PIEZO1: variants seen among roughly 807,000 people sequenced by gnomAD.
PIEZO1 encodes the protein piezo type mechanosensitive ion channel component 1 (Er blood group).
In PIEZO1, 296 loss-of-function variants were observed where a neutral mutation model predicts 297.2. The ratio of observed to expected loss-of-function variants is 1.00; its 90% confidence interval spans 0.91 to 1.10. PIEZO1 has a LOEUF of 1.10. Ranked by LOEUF, PIEZO1 falls within the 50% of genes least tolerant of loss-of-function variation. The pLI is 0.00. For missense variants in PIEZO1, 5,018 were observed against 3,455.5 expected (o/e 1.45, Z -11.34); for synonymous variants, 2,427 against 1,507.5 (o/e 1.61, Z -14.13).
intron 1 of PIEZO1, among the ~76,000 whole-genome samples, chr16:88,768,159 G>A (rs911493424): frequency 6.6e-6 from 1 of 152,248 alleles, no homozygotes; most frequent in Non-Finnish European, 1.5e-5. Context: ...GCCCAACCTC[G>A]GTCCAGGGCT....
intron 1 of PIEZO1, among the ~76,000 whole-genome samples, chr16:88,763,446 G>A (rs1393609283): frequency 6.6e-6 from 1 of 152,216 alleles, no homozygotes; most frequent in Non-Finnish European, 1.5e-5. Context: ...ATGAGGCCAA[G>A]GCAGAAGGTT....
chr16:88,752,546 A>G (rs1906441462), intron 1 of PIEZO1, among the ~76,000 whole-genome samples: 1 of 152,196 alleles, frequency 6.6e-6, no homozygotes, highest in Non-Finnish European at 1.5e-5. Flanking sequence ...GAAATCTGCA[A>G]AGGATTCTCA....
At chr16:88,717,845 C>T (rs1015223014) in intron 44 of PIEZO1, 7 of 437,752 alleles carry the variant, frequency 1.6e-5, no homozygotes, top group African/African-American at 8.2e-5. Flanking sequence ...TAAAAAACAA[C>T]CCAACTGCTG....
At chr16:88,751,956 A>C (rs1376375651) in intron 1 of PIEZO1, among the ~76,000 whole-genome samples, 1 of 152,234 alleles carries the variant, frequency 6.6e-6, no homozygotes, top group Non-Finnish European at 1.5e-5. Flanking sequence ...AGCCCGTGGC[A>C]GGGCACCTTA....
intron 5 of PIEZO1, 85 bp from the exon 6 acceptor site, chr16:88,738,821 G>A (rs1408125092): frequency 1.6e-6 from 2 of 1,279,836 alleles, no homozygotes; most frequent in South Asian, 1.4e-5. Flanking sequence ...CCAGGAGCGT[G>A]GGAGGCGGCC....
chr16:88,734,087 C>T (rs1441502216), intron 16 of PIEZO1, 33 bp from the exon 17 acceptor site: 3 of 1,479,156 alleles, frequency 2.0e-6, no homozygotes, highest in South Asian at 1.3e-5. Flanking sequence ...CATCTCCCAA[C>T]TGGGTTCCTG....
intron 27 of PIEZO1, chr16:88,725,934 G>C: frequency 1.8e-6 from 1 of 570,452 alleles, no homozygotes; most frequent in Non-Finnish European, 3.1e-6. Context: ...CAGGGAAGAA[G>C]GCAAAGCTGG....
chr16:88,718,155 C>T (rs533488512), intron 44 of PIEZO1: 315 of 180,982 alleles, frequency 1.7e-3, no homozygotes, highest in African/African-American at 6.8e-3. Flanking sequence ...CATGAAAAGA[C>T]GCTCAGCGTC....
chr16:88,738,876 G>T (rs1905445211), intron 5 of PIEZO1, 140 bp from the exon 6 acceptor site: 6 of 724,124 alleles, frequency 8.3e-6, no homozygotes, highest in South Asian at 1.8e-5. Context: ...AGCCTCCCCG[G>T]GCACAGGCCC....
At chr16:88,781,098 C>T (rs1907912960) in intron 1 of PIEZO1, among the ~76,000 whole-genome samples, 1 of 152,250 alleles carries the variant, frequency 6.6e-6, no homozygotes, top group African/African-American at 2.4e-5. Context: ...CTCACTGGAC[C>T]CTGACGACTG....
In PIEZO1 at chr16:88,749,457, T is replaced by C; in HGVS notation, c.87A>G (p.Gly29=). 4 of 1,520,262 alleles carry C rather than the reference T, an allele frequency of 2.6e-6. No homozygotes were observed. The highest frequency in any genetic ancestry group is 3.5e-6 in the Non-Finnish European group (4 of 1,140,734). The allele number at this position is 1,520,262 out of a possible 1,614,324, so 94.2% of individuals were successfully genotyped here. ...GGAAGAGCAGGTAGACCAGCGAGAGTCCGCTGAAGCGGAGCAGGCAGGCTG... is the reference window on the plus strand; with the variant it reads ...GGAAGAGCAGGTAGACCAGCGAGAGCCCGCTGAAGCGGAGCAGGCAGGCTG... ...LLAACLLRFS[G]LSLVYLLFLL... is the part of the protein sequence containing the mutation. Residue 29 remains glycine (G), a synonymous_variant, in exon 2 of 51, where the codon GGA becomes GGG. Coordinates refer to ENST00000301015, the MANE Select transcript of PIEZO1 (RefSeq NM_001142864.4).
chr16:88,725,463 C>T lies in PIEZO1; in HGVS notation c.4115G>A (p.Ser1372Asn). The change falls in exon 29 of 51, where the codon AGT becomes AAT. Residue 1372 changes from serine to asparagine, a missense_variant. Ser to Asn is a conservative substitution (Grantham distance 46). Transcript: ENST00000301015. ...EKHRQGRVDR[S>N]RPQDTLGPKD... ...GGGGCCCAGGGTGTCCTGGGGGCGA[C>T]TGCGGTCCACCCGGCCCTGCCTGTG... is the stretch of plus-strand genomic sequence containing the variant. The T allele has an allele frequency of 1.3e-6, 2 of 1,508,862 alleles. No individual in the cohort carries two copies. The highest frequency in any genetic ancestry group is 3.5e-4 in the Middle Eastern group (2 of 5,772). The allele number at this position is 1,508,862 out of a possible 1,614,324, so 93.5% of individuals were successfully genotyped here.
Position 88,722,208 on chromosome 16 carries a change from C to G in PIEZO1, c.4955+10G>C, listed in dbSNP as rs1171539417. Reference sequence around the variant, plus strand: ...TGGTGAGGCTGGTGTTGTGCGCGTCCCGCCCCCACCTGTCCAGGAGCAGCT... The same window carrying G: ...TGGTGAGGCTGGTGTTGTGCGCGTCGCGCCCCCACCTGTCCAGGAGCAGCT... On this transcript the variant is annotated intron_variant, in intron 36 of 50. Transcript: ENST00000301015. 1 of 1,543,832 alleles carries G rather than the reference C, an allele frequency of 6.5e-7. No homozygotes were observed. The highest frequency in any genetic ancestry group is 2.4e-5 in the East Asian group (1 of 40,900).
In PIEZO1 at chr16:88,742,330, G is replaced by A. The variant is rs775050594; in HGVS notation, c.253C>T (p.Pro85Ser). Reference protein sequence around the residue: ...LALQICLHIVPRLDQLLGPSC... With the variant: ...LALQICLHIVSRLDQLLGPSC... The stretch of plus-strand genomic sequence containing the variant: ...GGTCCCAGGAGCTGGTCCAGGCGGG[G>A]CACAATATGCAGGCAGATCTGGAGG... Residue 85 changes from proline (P) to serine (S), a missense_variant, in exon 3 of 51, where the codon CCC becomes TCC. Transcript: ENST00000301015. 1.4e-5 allele frequency: 22 copies of A among 1,535,094 alleles called. No individual in the cohort carries two copies. The highest frequency in any genetic ancestry group is 2.7e-5 in the African/African-American group (2 of 73,026).
chr16:88,754,784 G>A (rs1004925352), intron 1 of PIEZO1, among the ~76,000 whole-genome samples: 3 of 152,226 alleles, frequency 2.0e-5, no homozygotes, highest in Non-Finnish European at 4.4e-5. Context: ...CCGAGAGCAG[G>A]ACGTGGTGCA....
chr16:88,716,467 C>T lies in PIEZO1; in HGVS notation c.6943G>A (p.Gly2315Ser). The T allele has an allele frequency of 1.3e-6, 2 of 1,548,322 alleles. No homozygotes were observed. The highest frequency in any genetic ancestry group is 2.7e-5 in the African/African-American group (2 of 73,166). Reference sequence around the variant, plus strand: ...TTCTCGTTGGCATACTCCACAGTGCCTCCCTTCGCCAGGTCCCTGGGGGTG... The same window carrying T: ...TTCTCGTTGGCATACTCCACAGTGCTTCCCTTCGCCAGGTCCCTGGGGGTG... ...WNFQRDLAKG[G>S]TVEYANEKHM... Residue 2315 changes from glycine to serine, a missense_variant, in exon 48 of 51, where the codon GGC (glycine) becomes AGC (serine). Coordinates refer to ENST00000301015, the MANE Select transcript of PIEZO1 (RefSeq NM_001142864.4).
chr16:88,732,122 A>G (rs559984234), intron 21 of PIEZO1, among the ~76,000 whole-genome samples: 2 of 151,906 alleles, frequency 1.3e-5, no homozygotes, highest in African/African-American at 4.8e-5. Context: ...GGTGGGCTGT[A>G]CAGTAGAGCA....
At chr16:88,777,034 G>A (rs1469684611) in intron 1 of PIEZO1, among the ~76,000 whole-genome samples, 1 of 152,180 alleles carries the variant, frequency 6.6e-6, no homozygotes, top group African/African-American at 2.4e-5. Flanking sequence ...GTGCAATGGT[G>A]TGATCTCGGC....
chr16:88,748,363 ACC>A (rs1906178060), intron 2 of PIEZO1, among the ~76,000 whole-genome samples: 1 of 10,976 alleles, frequency 9.1e-5, no homozygotes, highest in Admixed American at 1.0e-3. Context: ...GTTTGCTGCT[ACC>A]CTCGTCACCC....
Sources: gnomAD v4.1 joint callset for allele counts (sites outside exome capture counted in the v4.1 genomes callset) on GRCh38, gnomAD v4.1.1 for gene constraint, MANE v1.5 for transcripts, NCBI Gene and HGNC (gene_info 2026-07-23, HGNC 2026-07-21) for gene names.